The following ARHGAP44 variants were observed in gnomAD, a reference collection of about 807,000 sequenced individuals.
The protein encoded by ARHGAP44 is rho GTPase-activating protein 44.
ARHGAP44 carries 43 observed loss-of-function variants against 106.8 expected under a neutral mutation model. The observed-to-expected ratio is 0.40, with a 90% CI of 0.32 to 0.52. The LOEUF (loss-of-function observed/expected upper bound fraction) is 0.52, where lower values mean the gene tolerates loss of function less well. ARHGAP44 is among the 20% of genes least tolerant of loss of function. The pLI is 0.48. For synonymous variants in ARHGAP44, 439 were observed against 410.3 expected (o/e 1.07, Z -0.85); for missense variants, 866 against 1,050.5 (o/e 0.82, Z 2.43).
At chr17:12,884,062 T>C (rs1435781593) in intron 1 of ARHGAP44, among the ~76,000 whole-genome samples, 3 of 152,136 alleles carry the variant, frequency 2.0e-5, no homozygotes, top group Admixed American at 6.5e-5. Context: ...ATGTTTTTTT[T>C]CTCCCTCAAA....
In ARHGAP44 at chr17:12,831,614, A is replaced by T. The variant is rs544754506; in HGVS notation, c.53+41723A>T. ...CAATGATCCAAGAAGTCAGGATTCA[A>T]CCCTCCCATCGAGGCCCTGTTCTTT... On this transcript the variant is annotated intron_variant, in intron 1 of 20. Coordinates refer to ENST00000379672, the MANE Select transcript of ARHGAP44 (RefSeq NM_014859.6). 6.6e-5 allele frequency among the ~76,000 whole-genome samples: 10 copies of T among 152,058 alleles called. No homozygotes were observed. The South Asian group carries it at 2.1e-3, about 32-fold the overall frequency.
At chr17:12,882,553 A>G (rs1356274454) in intron 1 of ARHGAP44, among the ~76,000 whole-genome samples, 1 of 152,094 alleles carries the variant, frequency 6.6e-6, no homozygotes, top group Non-Finnish European at 1.5e-5. Flanking sequence ...CCTCTCCCCA[A>G]GGGCATGTTT....
intron 1 of ARHGAP44, among the ~76,000 whole-genome samples, chr17:12,890,956 A>G (rs1419094856): frequency 6.6e-6 from 1 of 152,218 alleles, no homozygotes; most frequent in Non-Finnish European, 1.5e-5. Context: ...CAAGTTCTGT[A>G]TAACTTTATA....
intron 1 of ARHGAP44, among the ~76,000 whole-genome samples, chr17:12,802,967 ATATTTTTTTT>A (rs2034161048): frequency 3.2e-5 from 1 of 31,674 alleles, no homozygotes; most frequent in Non-Finnish European, 6.1e-5. Flanking sequence ...ATATATATAT[ATATTTTTTTT>A]TTTTTTTTTT....
intron 1 of ARHGAP44, among the ~76,000 whole-genome samples, chr17:12,802,969 A>C (rs371752597): frequency 9.8e-5 from 4 of 40,848 alleles, no homozygotes; most frequent in South Asian, 1.2e-3. Context: ...ATATATATAT[A>C]TTTTTTTTTT....
intron 5 of ARHGAP44, among the ~76,000 whole-genome samples, chr17:12,916,625 T>G (rs1040716967): frequency 6.6e-6 from 1 of 152,226 alleles, no homozygotes; most frequent in Non-Finnish European, 1.5e-5. Context: ...CCTCAGGCGA[T>G]CCACCCGCCT....
chr17:12,895,613 G>A (rs1244926750), intron 2 of ARHGAP44, among the ~76,000 whole-genome samples: 2 of 152,182 alleles, frequency 1.3e-5, no homozygotes, highest in African/African-American at 4.8e-5. Flanking sequence ...AACAGGTGCT[G>A]GAGAGGATGT....
chr17:12,825,670 C>T (rs1191501108), intron 1 of ARHGAP44, among the ~76,000 whole-genome samples: 3 of 152,122 alleles, frequency 2.0e-5, no homozygotes, highest in Non-Finnish European at 4.4e-5. Context: ...AATCAAGTTA[C>T]TCAAAGTCTA....
intron 3 of ARHGAP44, among the ~76,000 whole-genome samples, chr17:12,904,503 A>C (rs908353221): frequency 3.3e-5 from 5 of 152,216 alleles, no homozygotes; most frequent in African/African-American, 1.2e-4. Flanking sequence ...AATTCACCTT[A>C]ACATCTCTCC....
intron 20 of ARHGAP44, among the ~76,000 whole-genome samples, chr17:12,989,101 CAAAAAAA>C (rs71144942): frequency 5.8e-3 from 263 of 45,182 alleles, no homozygotes; most frequent in African/African-American, 0.021. Flanking sequence ...CCACCCCCCC[CAAAAAAA>C]AAAAAAAAAA....
intron 1 of ARHGAP44, among the ~76,000 whole-genome samples, chr17:12,841,294 C>T (rs2035382439): frequency 6.6e-6 from 1 of 152,080 alleles, no homozygotes; most frequent in Non-Finnish European, 1.5e-5. Context: ...TTAAGTTCTT[C>T]CTCAATACCT....
intron 1 of ARHGAP44, among the ~76,000 whole-genome samples, chr17:12,818,757 A>C (rs1205388678): frequency 6.6e-6 from 1 of 152,026 alleles, no homozygotes; most frequent in Non-Finnish European, 1.5e-5. Flanking sequence ...GCTATAAAAC[A>C]CTGTTGAAAG....
chr17:12,908,563 A>G (rs1201101380), intron 3 of ARHGAP44, among the ~76,000 whole-genome samples: 3 of 152,112 alleles, frequency 2.0e-5, no homozygotes, highest in African/African-American at 7.2e-5. Flanking sequence ...TATTTTTGGA[A>G]ATTAAGGCAT....
chr17:12,843,651 C>CTT (rs146749216), intron 1 of ARHGAP44, among the ~76,000 whole-genome samples: 1,552 of 96,984 alleles, frequency 0.016, 24 homozygotes, highest in African/African-American at 0.029. Flanking sequence ...GTATTGGTTA[C>CTT]TTTTTTTTTT....
At chr17:12,888,945 AATTTTTT>A (rs1481205743) in intron 1 of ARHGAP44, among the ~76,000 whole-genome samples, 1 of 152,052 alleles carries the variant, frequency 6.6e-6, no homozygotes, top group Non-Finnish European at 1.5e-5. Flanking sequence ...TGTCTTTTCC[AATTTTTT>A]ATTTTTAAGC....
intron 1 of ARHGAP44, among the ~76,000 whole-genome samples, chr17:12,819,597 T>TA (rs58224665): frequency 3.3e-5 from 5 of 150,348 alleles, no homozygotes; most frequent in East Asian, 1.9e-4. Flanking sequence ...TTTTTTTTTT[T>TA]AATTTTTGCC....
At chr17:12,900,466 G>A (rs1212456827) in intron 3 of ARHGAP44, among the ~76,000 whole-genome samples, 1 of 152,182 alleles carries the variant, frequency 6.6e-6, no homozygotes, top group Non-Finnish European at 1.5e-5. Flanking sequence ...TAACTGGTTA[G>A]TTCCTAGGTT....
chr17:12,949,665 C>A lies in ARHGAP44; in HGVS notation c.990C>A (p.Tyr330Ter). The A allele has an allele frequency of 1.9e-6, 3 of 1,613,824 alleles. No individual in the cohort carries two copies. The highest frequency in any genetic ancestry group is 2.5e-6 in the Non-Finnish European group (3 of 1,179,844). ...PHAIAGALKS[Y>*]LRELPEPLMT... ...CATGCCTAGGAGCTTTGAAATCTTA[C>A]CTCCGAGAGTTGCCAGAACCTCTTA... The change falls in exon 12 of 21, where the codon TAC (tyrosine) becomes TAA (stop). Residue 330 changes from tyrosine to a stop codon, truncating the protein, a stop_gained. Transcript: ENST00000379672. LOFTEE classifies it high-confidence loss of function. The surrounding 1 kb of genome is among the most constrained non-coding windows in gnomAD (Gnocchi z 4.1).
intron 16 of ARHGAP44, among the ~76,000 whole-genome samples, chr17:12,965,893 C>T (rs1306150550): frequency 6.6e-6 from 1 of 152,134 alleles, no homozygotes; most frequent in Non-Finnish European, 1.5e-5. Context: ...TGACTCACAC[C>T]TGTAATCCCA....
Sources: gnomAD v4.1 joint callset for allele counts (sites outside exome capture counted in the v4.1 genomes callset) on GRCh38, gnomAD v4.1.1 for gene constraint, Gnocchi (gnomAD v3.1) non-coding constraint, MANE v1.5 for transcripts, NCBI Gene and HGNC (gene_info 2026-07-23, HGNC 2026-07-21) for gene names.